The following ACTR2 variants were observed in gnomAD, a reference collection of about 807,000 sequenced individuals.
ACTR2 encodes actin related protein 2, also known as actin-related protein 2.
A neutral mutation model predicts 50.2 loss-of-function variants in ACTR2; 5 were observed. The observed-to-expected ratio is 0.10, with a 90% CI of 0.05 to 0.21. ACTR2 has a LOEUF of 0.21. Among genes scored for constraint, ACTR2 ranks in the 10% least tolerant of loss-of-function variants. The probability of loss-of-function intolerance (pLI) is 1.00; values close to 1 mark genes in which losing one functional copy is unlikely to be tolerated. For synonymous variants in ACTR2, 140 were observed against 162.9 expected, an observed-to-expected ratio of 0.86 and a Z score of 1.07; for missense variants, 180 against 480.6, an observed-to-expected ratio of 0.37 and a Z score of 5.85.
chr2:65,260,526 TTTAACATGTCTG>T (rs1271122923), intron 6 of ACTR2, among the ~76,000 whole-genome samples: 1 of 152,168 alleles, frequency 6.6e-6, no homozygotes, highest in Non-Finnish European at 1.5e-5. Flanking sequence ...CAATCAGTGT[TTTAACATGTCTG>T]TTCTACATAG....
chr2:65,231,791 A>G (rs928902067), intron 1 of ACTR2, among the ~76,000 whole-genome samples: 9 of 152,346 alleles, frequency 5.9e-5, no homozygotes, highest in African/African-American at 2.2e-4. Flanking sequence ...TCCCTGGGCC[A>G]CATTGGAAGA....
At position 65,261,474 on chromosome 2, in the gene ACTR2, G is replaced by A. The variant is rs1050300327; in HGVS notation, c.881+82G>A. ...TTAAAGTTATTTATCAGAAATAGATGGAATTAAATAGAATGACTAAGTTTA... is the reference window on the plus strand; with the variant it reads ...TTAAAGTTATTTATCAGAAATAGATAGAATTAAATAGAATGACTAAGTTTA... On this transcript the variant is annotated intron_variant, in intron 7 of 8. Coordinates refer to ENST00000260641, the MANE Select transcript of ACTR2 (RefSeq NM_005722.4). 5 of 1,272,838 alleles carry A rather than the reference G, an allele frequency of 3.9e-6. No individual in the cohort carries two copies. The African/African-American group carries it at 6.1e-5, about 15-fold the overall frequency. The allele number at this position is 1,272,838 out of a possible 1,614,324, so 78.8% of individuals were successfully genotyped here.
At chr2:65,245,983 G>A (rs1222805244) in intron 2 of ACTR2, among the ~76,000 whole-genome samples, 1 of 112,644 alleles carries the variant, frequency 8.9e-6, no homozygotes, top group Non-Finnish European at 1.8e-5. Context: ...TATGTAGATA[G>A]AAGTTTGTGC....
At chr2:65,245,464 G>A in intron 2 of ACTR2, among the ~76,000 whole-genome samples, 1 of 152,154 alleles carries the variant, frequency 6.6e-6, no homozygotes, top group Middle Eastern at 3.2e-3. Flanking sequence ...AGGTTGTAGT[G>A]AGCTGAGATC....
intron 2 of ACTR2, 68 bp from the exon 3 acceptor site, chr2:65,246,452 AAATT>A (rs1671941819): frequency 4.7e-6 from 5 of 1,065,634 alleles, no homozygotes; most frequent in Non-Finnish European, 6.8e-6. Context: ...AGAAATATTA[AAATT>A]AATTATTCCC....
In ACTR2 at chr2:65,271,174, G is replaced by T. The variant is rs752630774; in HGVS notation, c.*2440G>T. On this transcript the variant is annotated 3_prime_UTR_variant, in exon 9 of 9. Coordinates refer to ENST00000260641, the MANE Select transcript of ACTR2 (RefSeq NM_005722.4). ...ATCTGGAAAGTATCTTGAGATATCA[G>T]TGGAAAGCTAAACAGTCTAAATTAA... 3 of 152,120 alleles carry T rather than the reference G, an allele frequency of 2.0e-5. No individual in the cohort carries two copies. The highest frequency in any genetic ancestry group is 4.4e-5 in the Non-Finnish European group (3 of 68,022). 9.4% of individuals were successfully genotyped at this position (152,120 alleles called of 1,614,324 possible). A position where few individuals can be genotyped will look rare whatever the true frequency, so the allele number is the denominator to read the frequency against.
In ACTR2 at chr2:65,270,142, C is replaced by T. The variant is rs1288812716; in HGVS notation, c.*1408C>T. Reference sequence around the variant, plus strand: ...AAGTTTGAAAAATAAAAAGAAATTGCATCACACTAATTACAAAATACAAGT... The same window carrying T: ...AAGTTTGAAAAATAAAAAGAAATTGTATCACACTAATTACAAAATACAAGT... On this transcript the variant is annotated 3_prime_UTR_variant, in exon 9 of 9. Coordinates refer to ENST00000260641, the MANE Select transcript of ACTR2 (RefSeq NM_005722.4). 2.0e-5 allele frequency: 3 copies of T among 152,264 alleles called. No individual in the cohort carries two copies. The East Asian group carries it at 5.8e-4, about 29-fold the overall frequency. 9.4% of individuals were successfully genotyped at this position (152,264 alleles called of 1,614,324 possible). A position where few individuals can be genotyped will look rare whatever the true frequency, so the allele number is the denominator to read the frequency against.
At chr2:65,246,874 A>G (rs958066223) in intron 3 of ACTR2, 135 bp downstream of exon 3, 25 of 663,758 alleles carry the variant, frequency 3.8e-5, no homozygotes, top group African/African-American at 5.7e-5. Context: ...TATCTACTAT[A>G]TGCTAGTCAT....
chr2:65,262,281 G>C (rs183774826), intron 7 of ACTR2, among the ~76,000 whole-genome samples: 38 of 152,266 alleles, frequency 2.5e-4, no homozygotes, highest in African/African-American at 9.1e-4. Context: ...CCAGGCTGAA[G>C]TGTAGTGGTG....
chr2:65,246,247 A>C, intron 2 of ACTR2: 2 of 235,008 alleles, frequency 8.5e-6, no homozygotes, highest in East Asian at 2.0e-4. Flanking sequence ...ACCCTCCAAA[A>C]TATGAAAATG....
chr2:65,250,909 T>A, intron 3 of ACTR2, 118 bp from the exon 4 acceptor site: 1 of 564,184 alleles, frequency 1.8e-6, no homozygotes, highest in Non-Finnish European at 3.0e-6. Context: ...GGAAGACTAT[T>A]TCAGGTCCAT....
At chr2:65,235,885 C>T (rs1263254267) in intron 1 of ACTR2, among the ~76,000 whole-genome samples, 1 of 152,106 alleles carries the variant, frequency 6.6e-6, no homozygotes, top group Non-Finnish European at 1.5e-5. Context: ...TGTAAGAAGA[C>T]ATCTGAATAA....
intron 1 of ACTR2, among the ~76,000 whole-genome samples, chr2:65,238,136 C>T (rs1048042627): frequency 6.6e-6 from 1 of 152,176 alleles, no homozygotes; most frequent in Admixed American, 6.5e-5. Flanking sequence ...CCACTGCACT[C>T]CAGCCTAGGC....
chr2:65,230,670 T>C (rs958979559), intron 1 of ACTR2, among the ~76,000 whole-genome samples: 7 of 151,936 alleles, frequency 4.6e-5, no homozygotes, highest in Admixed American at 1.3e-4. Context: ...TGCGGCCTCC[T>C]AAAGTGCTAG....
chr2:65,251,449 C>T (rs1026933676), intron 4 of ACTR2, among the ~76,000 whole-genome samples: 1 of 152,194 alleles, frequency 6.6e-6, no homozygotes, highest in Non-Finnish European at 1.5e-5. Flanking sequence ...ACAACCTCCA[C>T]CTCCTGGGTT....
In ACTR2 at chr2:65,271,065, A is replaced by G. The variant is rs143860273; in HGVS notation, c.*2331A>G. ...TAGAAATACATTTAGTAAAGTCCCC[A>G]AGACATTAGTCTTACATTTAAACTT... is the stretch of plus-strand genomic sequence containing the variant. On this transcript the variant is annotated 3_prime_UTR_variant, in exon 9 of 9. Transcript: ENST00000260641. The G allele has an allele frequency of 2.6e-5, 4 of 152,324 alleles. No homozygotes were observed. Among genetic ancestry groups the G allele is most frequent in the African/African-American group, 9.6e-5 (4 of 41,588 alleles). 9.4% of individuals were successfully genotyped at this position (152,324 alleles called of 1,614,324 possible).
At chr2:65,245,708 A>T (rs1056181637) in intron 2 of ACTR2, among the ~76,000 whole-genome samples, 1 of 152,196 alleles carries the variant, frequency 6.6e-6, no homozygotes, top group African/African-American at 2.4e-5. Flanking sequence ...AAATGCTAGG[A>T]CATCCTTACT....
At chr2:65,248,561 A>G (rs1351789928) in intron 3 of ACTR2, among the ~76,000 whole-genome samples, 3 of 152,134 alleles carry the variant, frequency 2.0e-5, no homozygotes, top group Non-Finnish European at 4.4e-5. Context: ...AGCAAAAGAT[A>G]ATGATGGTTA....
chr2:65,254,363 T>G (rs139344746), intron 5 of ACTR2, among the ~76,000 whole-genome samples: 2 of 152,284 alleles, frequency 1.3e-5, no homozygotes, highest in African/African-American at 4.8e-5. Flanking sequence ...GACTTTAATA[T>G]TTAGTAGTTT....
Sources: gnomAD v4.1 joint callset for allele counts (sites outside exome capture counted in the v4.1 genomes callset) on GRCh38, gnomAD v4.1.1 for gene constraint, MANE v1.5 for transcripts, NCBI Gene and HGNC (gene_info 2026-07-23, HGNC 2026-07-21) for gene names.